Variants in RPS6KC1 observed in about 807,000 individuals in gnomAD.
RPS6KC1 encodes the protein ribosomal protein S6 kinase C1, also known as inactive ribosomal protein S6 kinase delta-1.
A neutral mutation model predicts 103.8 loss-of-function variants in RPS6KC1; 54 were observed. The ratio of observed to expected loss-of-function variants is 0.52; its 90% confidence interval spans 0.42 to 0.65. RPS6KC1 has a LOEUF of 0.65. Ranked by LOEUF, RPS6KC1 falls within the 30% of genes least tolerant of loss-of-function variation. The pLI, the probability that RPS6KC1 is intolerant of heterozygous loss-of-function variation, is 0.00. For missense variants in RPS6KC1, 1,151 were observed against 1,253.8 expected (o/e 0.92, Z 1.24); for synonymous variants, 439 against 438.7 (o/e 1.00, Z -0.01).
At chr1:213,687,807 C>T in the RPS6KC1 span, among the ~76,000 whole-genome samples, 14 of 152,134 alleles carry the variant, frequency 9.2e-5, no homozygotes, top group African/African-American at 2.9e-4. Flanking sequence ...ATCTTCTGAG[C>T]GTAGAGAGAG....
At chr1:213,651,104 G>C in the RPS6KC1 span, among the ~76,000 whole-genome samples, 1 of 151,764 alleles carries the variant, frequency 6.6e-6, no homozygotes, top group African/African-American at 2.4e-5. Flanking sequence ...GGGATGCAGA[G>C]AGAAGACCCC....
At chr1:213,655,753 AT>A in the RPS6KC1 span, among the ~76,000 whole-genome samples, 24 of 152,310 alleles carry the variant, frequency 1.6e-4, no homozygotes, top group African/African-American at 5.5e-4. Context: ...AAATATATAT[AT>A]ACTGAATATT....
the RPS6KC1 span, among the ~76,000 whole-genome samples, chr1:213,649,937 G>A: frequency 6.6e-6 from 1 of 152,258 alleles, no homozygotes; most frequent in South Asian, 2.1e-4. Context: ...AGACCTCTCG[G>A]CATTCATGGA....
At chr1:213,439,848 G>GGA in the RPS6KC1 span, among the ~76,000 whole-genome samples, 2 of 150,020 alleles carry the variant, frequency 1.3e-5, no homozygotes, top group Non-Finnish European at 3.0e-5. Context: ...AGCAAGAGTG[G>GGA]GAGAGAGAGA....
chr1:213,459,771 G>A, the RPS6KC1 span, among the ~76,000 whole-genome samples: 33 of 152,238 alleles, frequency 2.2e-4, 1 homozygote, highest in African/African-American at 6.7e-4. Flanking sequence ...ATGTCCCAGA[G>A]ATTCTGGCAC....
At chr1:213,699,918 T>G in the RPS6KC1 span, among the ~76,000 whole-genome samples, 1 of 152,144 alleles carries the variant, frequency 6.6e-6, no homozygotes, top group Admixed American at 6.5e-5. Flanking sequence ...CTGACAGAGT[T>G]GTTTGAGCTC....
the RPS6KC1 span, among the ~76,000 whole-genome samples, chr1:213,516,404 A>G: frequency 6.6e-6 from 1 of 152,178 alleles, no homozygotes; most frequent in Non-Finnish European, 1.5e-5. Context: ...GATACGTCCC[A>G]TCAATACCTA....
chr1:213,590,504 C>A, the RPS6KC1 span, among the ~76,000 whole-genome samples: 1 of 152,194 alleles, frequency 6.6e-6, no homozygotes, highest in Non-Finnish European at 1.5e-5. Context: ...GTGGTTTTGG[C>A]TGAGGGAGAC....
chr1:213,329,256 A>G, the RPS6KC1 span, among the ~76,000 whole-genome samples: 1 of 152,104 alleles, frequency 6.6e-6, no homozygotes, highest in East Asian at 1.9e-4. Context: ...CCTTGATCCC[A>G]TTTCCAACTG....
At chr1:213,470,467 A>G in the RPS6KC1 span, among the ~76,000 whole-genome samples, 2 of 152,216 alleles carry the variant, frequency 1.3e-5, no homozygotes, top group African/African-American at 2.4e-5. Context: ...GCATCCAGCC[A>G]GCCTGGTTGT....
At chr1:213,837,573 A>G in the RPS6KC1 span, among the ~76,000 whole-genome samples, 1 of 152,182 alleles carries the variant, frequency 6.6e-6, no homozygotes, top group Non-Finnish European at 1.5e-5. Context: ...TTTGCCCAAG[A>G]AAGAGGAGGG....
At chr1:213,615,447 G>C in the RPS6KC1 span, among the ~76,000 whole-genome samples, 4 of 152,246 alleles carry the variant, frequency 2.6e-5, no homozygotes, top group Admixed American at 1.3e-4. Context: ...GCCTGAGAGA[G>C]GAAGGAAGGA....
chr1:213,094,142 A>G (rs143054626), intron 3 of RPS6KC1, among the ~76,000 whole-genome samples: 19 of 151,774 alleles, frequency 1.3e-4, no homozygotes, highest in East Asian at 5.8e-4. Context: ...TTTTTTTCCA[A>G]ATTCATGGAT....
chr1:213,394,750 C>T, the RPS6KC1 span, among the ~76,000 whole-genome samples: 3 of 152,154 alleles, frequency 2.0e-5, no homozygotes, highest in Admixed American at 1.3e-4. Context: ...AAGAAATTCT[C>T]CTCTGTGGAT....
chr1:213,830,340 C>T, the RPS6KC1 span, among the ~76,000 whole-genome samples: 1 of 152,020 alleles, frequency 6.6e-6, no homozygotes, highest in South Asian at 2.1e-4. Flanking sequence ...ATTAATTTTC[C>T]TTTTGAGAAT....
At chr1:213,329,647 G>A in the RPS6KC1 span, among the ~76,000 whole-genome samples, 2 of 151,472 alleles carry the variant, frequency 1.3e-5, no homozygotes, top group Non-Finnish European at 2.9e-5. Context: ...CCCACTCCCC[G>A]GCTGGCGGAG....
At chr1:213,805,391 T>C in the RPS6KC1 span, among the ~76,000 whole-genome samples, 1 of 150,130 alleles carries the variant, frequency 6.7e-6, no homozygotes, top group Admixed American at 6.7e-5. Flanking sequence ...ACGAAGTTTA[T>C]GTAACATTCT....
At chr1:213,827,710 C>T in the RPS6KC1 span, among the ~76,000 whole-genome samples, 41 of 152,116 alleles carry the variant, frequency 2.7e-4, no homozygotes, top group Non-Finnish European at 5.0e-4. Flanking sequence ...AAGGGAGGGT[C>T]GGTGATCACT....
At chr1:213,337,362 T>C in the RPS6KC1 span, among the ~76,000 whole-genome samples, 1 of 152,186 alleles carries the variant, frequency 6.6e-6, no homozygotes, top group Non-Finnish European at 1.5e-5. Context: ...TAACAAGATA[T>C]ATGGTCTTGG....
Sources: gnomAD v4.1 joint callset for allele counts (sites outside exome capture counted in the v4.1 genomes callset) on GRCh38, gnomAD v4.1.1 for gene constraint, MANE v1.5 for transcripts, NCBI Gene and HGNC (gene_info 2026-07-23, HGNC 2026-07-21) for gene names.